The following EXOC2 variants were observed in gnomAD, a reference collection of about 807,000 sequenced individuals.
The protein encoded by EXOC2 is exocyst complex component 2, also known as SEC5-like 1.
A neutral mutation model predicts 131.8 loss-of-function variants in EXOC2; 70 were observed. The observed-to-expected ratio is 0.53, with a 90% confidence interval of 0.44 to 0.65. EXOC2 has a LOEUF of 0.65. Among genes scored for constraint, EXOC2 ranks in the 30% least tolerant of loss-of-function variants. EXOC2 has a pLI of 0.00. For synonymous variants in EXOC2, 411 were observed against 398.4 expected (o/e 1.03, Z -0.38); for missense variants, 923 against 1,108.6 (o/e 0.83, Z 2.38).
chr6:687,004 T>C (rs1489293920), intron 1 of EXOC2, among the ~76,000 whole-genome samples: 4 of 152,150 alleles, frequency 2.6e-5, no homozygotes, highest in African/African-American at 9.7e-5. Context: ...TTGCCAGTAG[T>C]ACCCAATGCC....
At chr6:660,001 G>A (rs531928730) in intron 1 of EXOC2, among the ~76,000 whole-genome samples, 4 of 151,364 alleles carry the variant, frequency 2.6e-5, no homozygotes, top group Non-Finnish European at 5.9e-5. Flanking sequence ...CTGTTGGGGG[G>A]GGGACACGGG....
intron 13 of EXOC2, among the ~76,000 whole-genome samples, chr6:566,853 A>C (rs1049131171): frequency 2.6e-5 from 4 of 152,172 alleles, no homozygotes; most frequent in African/African-American, 4.8e-5. Flanking sequence ...CCACATTATC[A>C]ATGGAAATCT....
chr6:688,546 G>C (rs1400732595), intron 1 of EXOC2, among the ~76,000 whole-genome samples: 3 of 152,216 alleles, frequency 2.0e-5, no homozygotes, highest in Non-Finnish European at 2.9e-5. Context: ...GGGACTATAA[G>C]CAAACAGTGG....
At position 692,832 on chromosome 6, in the gene EXOC2, G is replaced by C. The variant is rs537496558; in HGVS notation, c.-44+187C>G. On this transcript the variant is annotated intron_variant, in intron 1 of 27. Transcript: ENST00000230449. Reference sequence around the variant, plus strand: ...GAGCCCAGCAGGCGGCTGACGGCGGGGATGGGGGCTGCGGGGCTGGGAACC... The same window carrying C: ...GAGCCCAGCAGGCGGCTGACGGCGGCGATGGGGGCTGCGGGGCTGGGAACC... Among the ~76,000 whole-genome samples the C allele has an allele frequency of 7.2e-5, 11 of 152,246 alleles. No homozygotes were observed. The South Asian group carries it at 2.1e-3, about 29-fold the overall frequency.
At chr6:550,150 A>C (rs1757069080) in intron 21 of EXOC2, among the ~76,000 whole-genome samples, 2 of 152,254 alleles carry the variant, frequency 1.3e-5, no homozygotes, top group Non-Finnish European at 2.9e-5. Flanking sequence ...AACTTTGACT[A>C]ATCTAGAGCC....
intron 4 of EXOC2, among the ~76,000 whole-genome samples, chr6:621,279 G>A (rs1379070990): frequency 1.3e-5 from 2 of 152,108 alleles, no homozygotes; most frequent in African/African-American, 2.4e-5. Context: ...CAGTGAAGAC[G>A]GTCACATGCT....
chr6:656,831 G>A (rs776631532), intron 1 of EXOC2: 1 of 1,610,380 alleles, frequency 6.2e-7, no homozygotes, highest in Non-Finnish European at 8.5e-7. Context: ...CGAAGCACAG[G>A]CTGTCAGGGC....
At position 549,298 on chromosome 6, in the gene EXOC2, GCAAAA is replaced by G. The variant is rs752335966; in HGVS notation, c.2122-12_2122-8del. 1.9e-6 allele frequency: 3 copies of G among 1,604,406 alleles called. No homozygotes were observed. The highest frequency in any genetic ancestry group is 2.6e-6 in the Non-Finnish European group (3 of 1,171,492). On this transcript the variant is annotated splice_polypyrimidine_tract_variant and splice_region_variant and intron_variant, in intron 21 of 27. Transcript: ENST00000230449. ...CTATCAAAAGGCGCTGTTCCTAAAA[GCAAAA>G]CAAATGTTTAGAAAATCACCTTTAT...
chr6:549,472 A>T (rs1757034164), intron 21 of EXOC2, among the ~76,000 whole-genome samples, 181 bp from the exon 22 acceptor site: 2 of 152,178 alleles, frequency 1.3e-5, no homozygotes, highest in African/African-American at 4.8e-5. Context: ...AAATCCTGCA[A>T]CTCTACTATT....
At chr6:574,528 G>A (rs1021033180) in intron 12 of EXOC2, among the ~76,000 whole-genome samples, 5 of 152,196 alleles carry the variant, frequency 3.3e-5, no homozygotes, top group Non-Finnish European at 5.9e-5. Flanking sequence ...CTCTGTGTAG[G>A]CTATAGAGCC....
At chr6:582,239 GTATTTT>G (rs1758945842) in intron 11 of EXOC2, among the ~76,000 whole-genome samples, 2 of 15,782 alleles carry the variant, frequency 1.3e-4, no homozygotes, top group East Asian at 8.8e-3. Flanking sequence ...TCAATAGTCG[GTATTTT>G]TTTTTTTAAC....
intron 4 of EXOC2, among the ~76,000 whole-genome samples, chr6:625,642 T>C (rs1041865530): frequency 6.0e-5 from 9 of 151,180 alleles, no homozygotes; most frequent in Non-Finnish European, 1.2e-4. Flanking sequence ...TCTGCACTCA[T>C]ATTAAGAATT....
intron 1 of EXOC2, among the ~76,000 whole-genome samples, chr6:674,836 A>G (rs1464827998): frequency 1.3e-5 from 2 of 152,024 alleles, no homozygotes; most frequent in African/African-American, 4.8e-5. Context: ...AGAGGTCACA[A>G]ACTACTTGCC....
intron 23 of EXOC2, among the ~76,000 whole-genome samples, chr6:529,776 A>G (rs1765967827): frequency 6.6e-6 from 1 of 152,192 alleles, no homozygotes; most frequent in Non-Finnish European, 1.5e-5. Flanking sequence ...AAAGTAATAC[A>G]TTGTTCAGTA....
chr6:586,649 C>T (rs1759224831), intron 11 of EXOC2, among the ~76,000 whole-genome samples: 1 of 152,204 alleles, frequency 6.6e-6, no homozygotes, highest in Non-Finnish European at 1.5e-5. Context: ...CCTGCTCTGA[C>T]ATCACATTGA....
At position 595,140 on chromosome 6, in the gene EXOC2, GAGA is replaced by G. The variant is rs749232848; in HGVS notation, c.1074-2556_1074-2554del. On this transcript the variant is annotated intron_variant, in intron 10 of 27. Coordinates refer to ENST00000230449, the MANE Select transcript of EXOC2 (RefSeq NM_018303.6). ...ACATCAAGATAGAAATAAGGAGAGGGAGAAGAATAGGGAAGGTTTAAATTAGAT... is the reference window on the plus strand; with the variant it reads ...ACATCAAGATAGAAATAAGGAGAGGGAGAATAGGGAAGGTTTAAATTAGAT... Among the ~76,000 whole-genome samples, 4 of 152,128 alleles carry G rather than the reference GAGA, an allele frequency of 2.6e-5. No homozygotes were observed. In the East Asian group the frequency reaches 7.7e-4, roughly 29 times the overall value.
chr6:523,825 T>C (rs1396278468), intron 23 of EXOC2, among the ~76,000 whole-genome samples: 1 of 152,230 alleles, frequency 6.6e-6, no homozygotes, highest in South Asian at 2.1e-4. Context: ...ATGATTAAAA[T>C]GCAGCTTTCT....
intron 18 of EXOC2, among the ~76,000 whole-genome samples, chr6:556,257 A>C (rs1757415094): frequency 6.6e-6 from 1 of 152,162 alleles, no homozygotes; most frequent in Admixed American, 6.5e-5. Context: ...AGCTGTCCAC[A>C]AAGTGCTATC....
At chr6:664,276 C>A (rs1271682773) in intron 1 of EXOC2, among the ~76,000 whole-genome samples, 3 of 152,106 alleles carry the variant, frequency 2.0e-5, no homozygotes, top group South Asian at 2.1e-4. Context: ...AACTACAAAA[C>A]CCTGCTGAAA....
Sources: allele counts gnomAD v4.1 joint callset (sites outside exome capture counted in the v4.1 genomes callset), GRCh38; gene constraint gnomAD v4.1.1; transcripts MANE v1.5; gene names NCBI Gene and HGNC (gene_info 2026-07-23, HGNC 2026-07-21).